Variants in EIF2S1 observed in about 807,000 individuals in gnomAD.
The protein encoded by EIF2S1 is eukaryotic translation initiation factor 2 subunit alpha, also known as eukaryotic translation initiation factor 2 subunit 1.
A neutral mutation model predicts 33.5 loss-of-function variants in EIF2S1; 5 were observed. That is an observed-to-expected ratio of 0.15 (90% CI 0.08 to 0.31). EIF2S1 has a LOEUF of 0.31. Among genes scored for constraint, EIF2S1 ranks in the 10% least tolerant of loss-of-function variants. EIF2S1 has a pLI of 1.00. For missense variants in EIF2S1, 191 were observed against 384.6 expected (o/e 0.50, Z 4.21); for synonymous variants, 99 against 127.5 (o/e 0.78, Z 1.51).
intron 2 of EIF2S1, among the ~76,000 whole-genome samples, chr14:67,370,212 A>G (rs1458169570): frequency 1.3e-5 from 2 of 152,206 alleles, no homozygotes; most frequent in African/African-American, 4.8e-5. Context: ...CTGTAAACCC[A>G]CAACCTTCCA....
At chr14:67,365,566 T>C (rs1277865821) in intron 2 of EIF2S1, among the ~76,000 whole-genome samples, 1 of 152,278 alleles carries the variant, frequency 6.6e-6, no homozygotes, top group Non-Finnish European at 1.5e-5. Context: ...CAGTTTTGGA[T>C]GAGCATTCAT....
At chr14:67,379,836 A>G (rs2085877889) in intron 4 of EIF2S1, among the ~76,000 whole-genome samples, 1 of 150,944 alleles carries the variant, frequency 6.6e-6, no homozygotes, top group South Asian at 2.1e-4. Context: ...TTGTATTTTT[A>G]GTAGAGACGA....
intron 1 of EIF2S1, among the ~76,000 whole-genome samples, chr14:67,362,358 A>C (rs2085748458): frequency 6.6e-6 from 1 of 152,102 alleles, no homozygotes; most frequent in Non-Finnish European, 1.5e-5. Context: ...AGTGCTTAGT[A>C]CATAGTAGCT....
intron 2 of EIF2S1, 148 bp downstream of exon 2, chr14:67,365,156 T>TG: frequency 1.2e-6 from 1 of 846,944 alleles, no homozygotes; most frequent in Non-Finnish European, 1.7e-6. Flanking sequence ...TAGAAAAGGA[T>TG]GCCAATTAGC....
chr14:67,380,337 T>C (rs1217898509), intron 4 of EIF2S1, among the ~76,000 whole-genome samples: 1 of 151,978 alleles, frequency 6.6e-6, no homozygotes, highest in Non-Finnish European at 1.5e-5. Flanking sequence ...TTTTTTTTTC[T>C]ATTCAAGATA....
At chr14:67,372,236 G>A (rs1314405760) in intron 2 of EIF2S1, among the ~76,000 whole-genome samples, 2 of 152,162 alleles carry the variant, frequency 1.3e-5, no homozygotes, top group African/African-American at 2.4e-5. Context: ...ATGGTGCTGG[G>A]ACAACTGGAT....
At chr14:67,372,512 TA>T (rs1354859667) in intron 2 of EIF2S1, among the ~76,000 whole-genome samples, 1 of 152,146 alleles carries the variant, frequency 6.6e-6, no homozygotes, top group Non-Finnish European at 1.5e-5. Context: ...CAGCATATTT[TA>T]AAAACTCTTG....
At chr14:67,365,250 T>G (rs763254565) in intron 2 of EIF2S1, among the ~76,000 whole-genome samples, 2 of 152,200 alleles carry the variant, frequency 1.3e-5, no homozygotes, top group African/African-American at 4.8e-5. Flanking sequence ...TTATTTCTAG[T>G]GTTTATCAGG....
chr14:67,368,412 G>A (rs892611429), intron 2 of EIF2S1, among the ~76,000 whole-genome samples: 12 of 152,058 alleles, frequency 7.9e-5, no homozygotes, highest in Admixed American at 6.6e-5. Context: ...CCCACCTGAC[G>A]GAGGGGCAGT....
chr14:67,375,889 A>T (rs1006428155), intron 3 of EIF2S1, among the ~76,000 whole-genome samples: 1 of 152,136 alleles, frequency 6.6e-6, no homozygotes, highest in African/African-American at 2.4e-5. Flanking sequence ...GTGTTAATAG[A>T]TCTTATTGAG....
rs2139827279 is a variant in EIF2S1 at position 67,385,765 on chromosome 14, A to G, written c.*2325A>G. 1 of 149,064 alleles carries G rather than the reference A, an allele frequency of 6.7e-6. No individual in the cohort carries two copies. The highest frequency in any genetic ancestry group is 2.0e-4 in the East Asian group (1 of 5,048). 9.2% of individuals were successfully genotyped at this position (149,064 alleles called of 1,614,324 possible). ...CTCTGCCTCTGTAAGAGTGTGAGCC[A>G]CCATGCCCCACCCAAACCATTTTTC... On this transcript the variant is annotated 3_prime_UTR_variant, in exon 8 of 8. Coordinates refer to ENST00000256383, the MANE Select transcript of EIF2S1 (RefSeq NM_004094.5).
At chr14:67,365,250 T>C (rs763254565) in intron 2 of EIF2S1, among the ~76,000 whole-genome samples, 5 of 152,200 alleles carry the variant, frequency 3.3e-5, no homozygotes, top group Non-Finnish European at 7.3e-5. Context: ...TTATTTCTAG[T>C]GTTTATCAGG....
intron 6 of EIF2S1, among the ~76,000 whole-genome samples, 199 bp downstream of exon 6, chr14:67,381,889 A>G (rs1270537984): frequency 6.6e-6 from 1 of 151,930 alleles, no homozygotes; most frequent in Non-Finnish European, 1.5e-5. Flanking sequence ...TTCTACTGTT[A>G]CTATCACAGT....
intron 7 of EIF2S1, 73 bp from the exon 8 acceptor site, chr14:67,383,242 C>T (rs1190638163): frequency 4.0e-6 from 6 of 1,498,904 alleles, no homozygotes; most frequent in African/African-American, 1.4e-5. Context: ...AAACATTAGG[C>T]AGTAATAGTA....
Position 67,361,585 on chromosome 14 carries a change from C to G in EIF2S1, c.-2+1129C>G, listed in dbSNP as rs1595641944. 2.0e-5 allele frequency among the ~76,000 whole-genome samples: 3 copies of G among 152,316 alleles called. No homozygotes were observed. The East Asian group carries it at 5.8e-4, about 29-fold the overall frequency. ...AATATATTTTGGAAAGGAATGTGAA[C>G]TTCTATATCCATTATAGCAGTTTGA... On this transcript the variant is annotated intron_variant, in intron 1 of 7. Coordinates refer to ENST00000256383, the MANE Select transcript of EIF2S1 (RefSeq NM_004094.5).
chr14:67,364,371 C>T (rs905750555), intron 1 of EIF2S1: 3 of 160,568 alleles, frequency 1.9e-5, no homozygotes, highest in African/African-American at 7.2e-5. Flanking sequence ...CTCACTTCGG[C>T]AAAGAGTAGC....
intron 4 of EIF2S1, among the ~76,000 whole-genome samples, chr14:67,380,453 CTA>C (rs2085882071): frequency 6.6e-6 from 1 of 152,070 alleles, no homozygotes; most frequent in African/African-American, 2.4e-5. Flanking sequence ...AGTCAGATCA[CTA>C]AAATTTTGAT....
intron 1 of EIF2S1, 41 bp from the exon 2 acceptor site, chr14:67,364,726 C>T (rs752524829): frequency 7.7e-6 from 12 of 1,550,204 alleles, no homozygotes; most frequent in East Asian, 4.7e-5. Flanking sequence ...TTATTTTCAC[C>T]TTAACTGAAT....
intron 1 of EIF2S1, 128 bp from the exon 2 acceptor site, chr14:67,364,639 T>C: frequency 1.1e-6 from 1 of 923,030 alleles, no homozygotes; most frequent in Non-Finnish European, 1.6e-6. Context: ...TTTCAAAGGA[T>C]GAGAAGACTA....
Sources: allele counts gnomAD v4.1 joint callset (sites outside exome capture counted in the v4.1 genomes callset), GRCh38; gene constraint gnomAD v4.1.1; transcripts MANE v1.5; gene names NCBI Gene and HGNC (gene_info 2026-07-23, HGNC 2026-07-21).